Variants in CSMD1 observed in about 807,000 individuals in gnomAD.
CSMD1 encodes CUB and Sushi multiple domains 1.
A neutral mutation model predicts 417.5 loss-of-function variants in CSMD1; 213 were observed. The ratio of observed to expected loss-of-function variants is 0.51; its 90% CI spans 0.46 to 0.57. The LOEUF (loss-of-function observed/expected upper bound fraction) is 0.57. Among genes scored for constraint, CSMD1 ranks in the 20% least tolerant of loss-of-function variants. The pLI is 0.00. For synonymous variants in CSMD1, 2,862 were observed against 1,736.8 expected (o/e 1.65, Z -16.11); for missense variants, 6,923 against 4,529.7 (o/e 1.53, Z -15.17).
intron 12 of CSMD1, among the ~76,000 whole-genome samples, chr8:3,417,830 GT>G (rs549093616): frequency 2.5e-5 from 3 of 122,180 alleles, no homozygotes; most frequent in Non-Finnish European, 5.5e-5. Flanking sequence ...TACAGACCCT[GT>G]TTTTTGGAGA....
chr8:4,580,239 T>G (rs1799347941), intron 2 of CSMD1, among the ~76,000 whole-genome samples: 1 of 152,190 alleles, frequency 6.6e-6, no homozygotes. Context: ...GGTACTGCCT[T>G]AACACGCCCT....
rs73661530 is a variant in CSMD1, at chr8:4,557,327, G to A, written c.302+80015C>T. On this transcript the variant is annotated intron_variant, in intron 2 of 69. Transcript: ENST00000635120. The stretch of plus-strand genomic sequence containing the variant: ...AAAATCACTAGGTTCTAACTGAAAA[G>A]AGGAAAATGAAAATCTAGCAGATGC... Among the ~76,000 whole-genome samples the A allele has an allele frequency of 5.3e-3, 810 of 152,046 alleles. 4 individuals are homozygous for A. The highest frequency in any genetic ancestry group is 0.019 in the African/African-American group (778 of 41,480).
chr8:3,094,996 G>C (rs532391272), intron 47 of CSMD1, among the ~76,000 whole-genome samples: 1 of 152,036 alleles, frequency 6.6e-6, no homozygotes, highest in Admixed American at 6.5e-5. Flanking sequence ...TTATGCTATT[G>C]TCTCTAACGT....
rs141800870 is a variant in CSMD1 at position 4,586,716 on chromosome 8, A to G, written c.302+50626T>C. ...ACCGCCACACCATATTCCTTAAAGC[A>G]TCATGCCTGTGAGAGAGATCCTCCA... On this transcript the variant is annotated intron_variant, in intron 2 of 69. Coordinates refer to ENST00000635120, the MANE Select transcript of CSMD1 (RefSeq NM_033225.6). Among the ~76,000 whole-genome samples, 9 of 152,292 alleles carry G rather than the reference A, an allele frequency of 5.9e-5. No homozygotes were observed. The East Asian group carries it at 1.2e-3, about 20-fold the overall frequency.
At chr8:4,444,382 G>A (rs1154063) in intron 2 of CSMD1, among the ~76,000 whole-genome samples, 9,729 of 128,140 alleles carry the variant, frequency 0.076, 469 homozygotes, top group Non-Finnish European at 0.092. Flanking sequence ...AAAAAGCAGA[G>A]GTTCTTGGAG....
chr8:4,047,245 T>C (rs1398464253), intron 3 of CSMD1, among the ~76,000 whole-genome samples: 3 of 152,038 alleles, frequency 2.0e-5, no homozygotes, highest in Admixed American at 6.6e-5. Flanking sequence ...ATCAAAGTCA[T>C]CTAAGTGGTA....
At position 3,104,763 on chromosome 8, in the gene CSMD1, A is replaced by G. The variant is rs1456118642; in HGVS notation, c.6949+1765T>C. ...TGCTGTGTCTCCCAGGCTGGAGAGC[A>G]ATGGCAAGATCTCGGCTCACTGCAA... On this transcript the variant is annotated intron_variant, in intron 46 of 69. Coordinates refer to ENST00000635120, the MANE Select transcript of CSMD1 (RefSeq NM_033225.6). Among the ~76,000 whole-genome samples the G allele has an allele frequency of 3.4e-5, 5 of 147,746 alleles. No homozygotes were observed. In the East Asian group the frequency reaches 6.0e-4, roughly 18 times the overall value.
At chr8:3,957,709 A>T (rs2627502) in intron 5 of CSMD1, among the ~76,000 whole-genome samples, 3 of 151,218 alleles carry the variant, frequency 2.0e-5, no homozygotes, top group South Asian at 2.1e-4. Flanking sequence ...GAGAAGAGGA[A>T]AAGAGAAAAG....
intron 7 of CSMD1, among the ~76,000 whole-genome samples, chr8:3,667,549 G>C (rs2117497549): frequency 6.6e-6 from 1 of 152,182 alleles, no homozygotes; most frequent in Non-Finnish European, 1.5e-5. Context: ...AAGGACGTGA[G>C]GACTAGGCTG....
chr8:4,099,996 CATTT>C (rs1420977682), intron 3 of CSMD1, among the ~76,000 whole-genome samples: 15 of 149,930 alleles, frequency 1.0e-4, no homozygotes, highest in Non-Finnish European at 3.0e-5. Flanking sequence ...AACTCTCATT[CATTT>C]ATTTTCATTT....
chr8:4,734,868 G>T (rs1311098422), intron 1 of CSMD1, among the ~76,000 whole-genome samples: 1 of 152,132 alleles, frequency 6.6e-6, no homozygotes, highest in Non-Finnish European at 1.5e-5. Context: ...GATTCCATGT[G>T]TGTTTACCCC....
At chr8:4,719,736 GAA>G (rs1255390856) in intron 1 of CSMD1, among the ~76,000 whole-genome samples, 1 of 152,106 alleles carries the variant, frequency 6.6e-6, no homozygotes, top group African/African-American at 2.4e-5. Flanking sequence ...ATTACCTAAA[GAA>G]TTCCTAATAT....
chr8:3,603,137 G>A (rs1422227586), intron 8 of CSMD1, among the ~76,000 whole-genome samples: 1 of 152,008 alleles, frequency 6.6e-6, no homozygotes, highest in South Asian at 2.1e-4. Flanking sequence ...AGTGTCAATG[G>A]GATATTATTG....
chr8:4,453,780 C>A (rs961274558), intron 2 of CSMD1, among the ~76,000 whole-genome samples: 4 of 150,098 alleles, frequency 2.7e-5, no homozygotes, highest in Non-Finnish European at 4.4e-5. Context: ...TCAGCTTTCA[C>A]CCAGGTTCCC....
chr8:3,485,115 G>T (rs893521770), intron 11 of CSMD1, among the ~76,000 whole-genome samples: 3 of 152,138 alleles, frequency 2.0e-5, no homozygotes, highest in African/African-American at 7.2e-5. Flanking sequence ...ATACACAAAT[G>T]TCATAGTAGC....
intron 7 of CSMD1, among the ~76,000 whole-genome samples, chr8:3,670,351 C>G (rs1000763027): frequency 6.6e-6 from 1 of 151,778 alleles, no homozygotes; most frequent in Non-Finnish European, 1.5e-5. Context: ...TTTTGGGACT[C>G]GGGCTGGCTC....
chr8:3,104,411 A>C (rs1395400396), intron 46 of CSMD1, among the ~76,000 whole-genome samples: 1 of 152,102 alleles, frequency 6.6e-6, no homozygotes, highest in African/African-American at 2.4e-5. Flanking sequence ...GATTTTGATG[A>C]CTTCCACAGC....
At chr8:3,389,438 C>T (rs1423430953) in intron 17 of CSMD1, among the ~76,000 whole-genome samples, 1 of 152,040 alleles carries the variant, frequency 6.6e-6, no homozygotes, top group African/African-American at 2.4e-5. Flanking sequence ...AGATCAAAAT[C>T]AAGACAAGAA....
Position 3,852,328 on chromosome 8 carries a change from A to G in CSMD1, c.819-98286T>C, listed in dbSNP as rs2975383. Among the ~76,000 whole-genome samples, 522 of 152,176 alleles carry G rather than the reference A, an allele frequency of 3.4e-3. 3 individuals are homozygous for G. Among genetic ancestry groups the G allele is most frequent in the African/African-American group, 0.012 (506 of 41,514 alleles). ...AGGTGGGGTTTGTAGGGAGCAAGGG[A>G]GAATGGCCCGAAGGAAGCAGTGCAG... On this transcript the variant is annotated intron_variant, in intron 5 of 69. Coordinates refer to ENST00000635120, the MANE Select transcript of CSMD1 (RefSeq NM_033225.6).
Sources: gnomAD v4.1 joint callset for allele counts (sites outside exome capture counted in the v4.1 genomes callset) on GRCh38, gnomAD v4.1.1 for gene constraint, MANE v1.5 for transcripts, NCBI Gene and HGNC (gene_info 2026-07-23, HGNC 2026-07-21) for gene names.